The following ADGRG7 variants were observed in gnomAD, a reference collection of about 807,000 sequenced individuals.
ADGRG7 encodes adhesion G protein-coupled receptor G7.
ADGRG7 carries 82 observed loss-of-function variants against 88.6 expected under a neutral mutation model. The observed-to-expected ratio is 0.93, with a 90% CI of 0.77 to 1.11. The LOEUF is 1.11. ADGRG7 is among the 50% of genes most tolerant of loss of function. The probability of loss-of-function intolerance (pLI) is 0.00; values close to 1 mark genes in which losing one functional copy is unlikely to be tolerated. For missense variants in ADGRG7, 945 were observed against 953.4 expected, an observed-to-expected ratio of 0.99 and a Z score of 0.12; for synonymous variants, 381 against 345.2, an observed-to-expected ratio of 1.10 and a Z score of -1.15.
At chr3:100,618,892 C>T (rs1297825483) in intron 1 of ADGRG7, among the ~76,000 whole-genome samples, 3 of 152,168 alleles carry the variant, frequency 2.0e-5, no homozygotes, top group East Asian at 1.9e-4. Flanking sequence ...TTTTATTTCA[C>T]TGAGTAGTGG....
intron 15 of ADGRG7, among the ~76,000 whole-genome samples, chr3:100,686,459 G>A (rs9713384): frequency 0.67 from 101,244 of 151,996 alleles, 33,929 homozygotes; most frequent in South Asian, 0.83. Context: ...CCATGCCTAT[G>A]TCCTGAACGA....
intron 1 of ADGRG7, among the ~76,000 whole-genome samples, chr3:100,622,264 ATTTTTTTTTT>A (rs57699713): frequency 7.6e-6 from 1 of 130,906 alleles, no homozygotes; most frequent in African/African-American, 3.0e-5. Context: ...CTCTATATTC[ATTTTTTTTTT>A]TTTTTTTTTT....
At chr3:100,673,381 T>A (rs916680393) in intron 15 of ADGRG7, among the ~76,000 whole-genome samples, 2 of 152,116 alleles carry the variant, frequency 1.3e-5, no homozygotes, top group Non-Finnish European at 2.9e-5. Context: ...TCTCTGATGG[T>A]AGTTTGTATG....
rs187246805 is a variant in ADGRG7 at position 100,688,213 on chromosome 3, C to G, written c.2137-6531C>G. Among the ~76,000 whole-genome samples, 628 of 152,320 alleles carry G rather than the reference C, an allele frequency of 4.1e-3. 3 individuals are homozygous for G. The highest frequency in any genetic ancestry group is 5.2e-3 in the Non-Finnish European group (354 of 68,022). ...ATGCTAGTTTGTATTTCTGTGGGAT[C>G]AGTGGTGATGTCCCCTTTTCATTTT... On this transcript the variant is annotated intron_variant, in intron 15 of 15. Coordinates refer to ENST00000273352, the MANE Select transcript of ADGRG7 (RefSeq NM_032787.3).
At chr3:100,676,372 G>A (rs899482391) in intron 15 of ADGRG7, among the ~76,000 whole-genome samples, 1 of 151,868 alleles carries the variant, frequency 6.6e-6, no homozygotes, top group Non-Finnish European at 1.5e-5. Flanking sequence ...GGTAATTGAG[G>A]AGCATATTGT....
chr3:100,677,986 G>A (rs2094967827), intron 15 of ADGRG7, among the ~76,000 whole-genome samples: 1 of 151,974 alleles, frequency 6.6e-6, no homozygotes. Context: ...GAAGTTCTCT[G>A]TTATTATTTC....
At chr3:100,689,389 T>G (rs1027015589) in intron 15 of ADGRG7, among the ~76,000 whole-genome samples, 1 of 152,368 alleles carries the variant, frequency 6.6e-6, no homozygotes, top group East Asian at 1.9e-4. Context: ...TTAAGGTTAA[T>G]ATTGTTACGT....
rs780849466 is a variant in ADGRG7, at chr3:100,637,324, C to A, written c.620C>A (p.Thr207Lys). The A allele has an allele frequency of 6.2e-7, 1 of 1,613,460 alleles. No homozygotes were observed. The highest frequency in any genetic ancestry group is 1.3e-5 in the African/African-American group (1 of 75,034). Reference protein sequence around the residue: ...SPEAKKVAIVTVSQLLDASED... With the variant: ...SPEAKKVAIVKVSQLLDASED... ...CAGGCAAAGAAAGTTGCCATAGTAACAGTGAGTCAACTCCTAGATGCCAGT... is the reference window on the plus strand; with the variant it reads ...CAGGCAAAGAAAGTTGCCATAGTAAAAGTGAGTCAACTCCTAGATGCCAGT... Residue 207 changes from threonine to lysine, a missense_variant, in exon 6 of 16, where the codon ACA becomes AAA. Thr to Lys is a moderately conservative substitution (Grantham distance 78). Transcript: ENST00000273352.
chr3:100,619,582 A>G (rs1259118522), intron 1 of ADGRG7, among the ~76,000 whole-genome samples: 2 of 152,238 alleles, frequency 1.3e-5, no homozygotes, highest in Non-Finnish European at 2.9e-5. Flanking sequence ...GGAAATAAAG[A>G]CACAAAAAAC....
intron 1 of ADGRG7, 74 bp from the exon 2 acceptor site, chr3:100,629,520 AAATT>A: frequency 2.2e-6 from 2 of 902,586 alleles, no homozygotes; most frequent in Admixed American, 3.8e-5. Context: ...TTACGTGTAG[AAATT>A]AAGTGGCCAC....
chr3:100,633,556 C>T (rs1241786463), intron 4 of ADGRG7, among the ~76,000 whole-genome samples, 179 bp downstream of exon 4: 1 of 152,108 alleles, frequency 6.6e-6, no homozygotes, highest in Non-Finnish European at 1.5e-5. Context: ...CCTAGTTTTG[C>T]TCATGTCACC....
At chr3:100,661,715 CAAGAA>C (rs2094945943) in intron 14 of ADGRG7, among the ~76,000 whole-genome samples, 1 of 152,208 alleles carries the variant, frequency 6.6e-6, no homozygotes, top group South Asian at 2.1e-4. Flanking sequence ...CTCCAAAAAG[CAAGAA>C]AATACAATTT....
intron 6 of ADGRG7, among the ~76,000 whole-genome samples, chr3:100,638,862 C>T (rs78733487): frequency 0.023 from 3,547 of 152,226 alleles, 109 homozygotes; most frequent in African/African-American, 0.07. Flanking sequence ...TTACCTTATG[C>T]ACACTTGTCA....
At chr3:100,652,662 G>A (rs1198698312) in intron 11 of ADGRG7, among the ~76,000 whole-genome samples, 1 of 152,054 alleles carries the variant, frequency 6.6e-6, no homozygotes, top group Non-Finnish European at 1.5e-5. Flanking sequence ...ACTTTATTAA[G>A]AGAAATCTTG....
At chr3:100,659,364 C>T (rs1003895609) in intron 13 of ADGRG7, among the ~76,000 whole-genome samples, 1 of 139,676 alleles carries the variant, frequency 7.2e-6, no homozygotes, top group South Asian at 2.3e-4. Context: ...GGTGTGAACC[C>T]AGGAGGCGGA....
intron 15 of ADGRG7, among the ~76,000 whole-genome samples, chr3:100,690,175 A>G (rs1285234052): frequency 6.6e-6 from 1 of 152,170 alleles, no homozygotes; most frequent in East Asian, 1.9e-4. Flanking sequence ...TCAGCTACTG[A>G]GGCTTGTGCA....
rs529617838 is a variant in ADGRG7, at chr3:100,686,828, C to A, written c.2137-7916C>A. 4.8e-3 allele frequency among the ~76,000 whole-genome samples: 727 copies of A among 152,260 alleles called. 6 individuals are homozygous for A. The highest frequency in any genetic ancestry group is 0.017 in the African/African-American group (697 of 41,540). ...GTAGCATGATGCCTCCAGCTTTGTT[C>A]TTTTGGCTTAGGATTGACTTGGCGA... On this transcript the variant is annotated intron_variant, in intron 15 of 15. Coordinates refer to ENST00000273352, the MANE Select transcript of ADGRG7 (RefSeq NM_032787.3).
chr3:100,683,229 G>T (rs918270874), intron 15 of ADGRG7, among the ~76,000 whole-genome samples: 9 of 152,282 alleles, frequency 5.9e-5, no homozygotes, highest in South Asian at 4.1e-4. Context: ...CAGAACGGCG[G>T]GGCTAAAAGA....
At chr3:100,628,294 A>G (rs1219730290) in intron 1 of ADGRG7, among the ~76,000 whole-genome samples, 1 of 151,476 alleles carries the variant, frequency 6.6e-6, no homozygotes, top group Non-Finnish European at 1.5e-5. Flanking sequence ...AATTATTACC[A>G]TTGTTATCTA....
Sources: gnomAD v4.1 joint callset for allele counts (sites outside exome capture counted in the v4.1 genomes callset) on GRCh38, gnomAD v4.1.1 for gene constraint, MANE v1.5 for transcripts, NCBI Gene and HGNC (gene_info 2026-07-23, HGNC 2026-07-21) for gene names.